Variants in COL11A2 observed in about 807,000 individuals in gnomAD.
The protein encoded by COL11A2 is collagen type XI alpha 2 chain.
COL11A2 carries 116 observed loss-of-function variants against 273.4 expected under a neutral mutation model. That is an observed-to-expected ratio of 0.42 (90% CI 0.36 to 0.49). The LOEUF (loss-of-function observed/expected upper bound fraction) is 0.49, where lower values mean the gene tolerates loss of function less well. Among genes scored for constraint, COL11A2 ranks in the 20% least tolerant of loss-of-function variants. COL11A2 has a pLI of 0.00. For missense variants in COL11A2, 1,866 were observed against 2,309.0 expected (o/e 0.81, Z 3.93); for synonymous variants, 782 against 864.2 (o/e 0.90, Z 1.67).
At position 33,188,974 on chromosome 6, in the gene COL11A2, T is replaced by G. The variant is rs1189655931; in HGVS notation, c.443+4A>C. ...AGGCAGACCAGAGGAGCAAACAAAC[T>G]TACTTGCCATCTGCTAGGCTGAGGC... On this transcript the variant is annotated splice_donor_region_variant and intron_variant, in intron 3 of 65. Coordinates refer to ENST00000341947, the MANE Select transcript of COL11A2 (RefSeq NM_080680.3). 3.1e-6 allele frequency: 5 copies of G among 1,614,176 alleles called. No homozygotes were observed. Among genetic ancestry groups the G allele is most frequent in the Non-Finnish European group, 4.2e-6 (5 of 1,180,018 alleles).
chr6:33,165,609 G>C lies in COL11A2; in HGVS notation c.4690C>G (p.Gln1564Glu). 6.2e-7 allele frequency: 1 copy of C among 1,613,442 alleles called. No homozygotes were observed. The highest frequency in any genetic ancestry group is 8.5e-7 in the Non-Finnish European group (1 of 1,180,006). ...IEQMRRPTGT[Q>E]DSPARTCQDL... is the part of the protein sequence containing the mutation. Reference sequence around the variant, plus strand: ...TGGCAGGTGCGAGCAGGGCTGTCCTGGGTCCCTGTTGGCCGCCTCATCTGC... The same window carrying C: ...TGGCAGGTGCGAGCAGGGCTGTCCTCGGTCCCTGTTGGCCGCCTCATCTGC... Residue 1564 changes from glutamine (Q) to glutamate (E), a missense_variant, in exon 63 of 66, where the codon CAG (glutamine) becomes GAG (glutamate). Coordinates refer to ENST00000341947, the MANE Select transcript of COL11A2 (RefSeq NM_080680.3). This position sits in a 1 kb window ranked among gnomAD's most constrained non-coding sequence, Gnocchi z 7.7.
In COL11A2 at chr6:33,169,347, C is replaced by A; in HGVS notation, c.3798+36G>T. ...ATTCCCAGGTCTGTCATTCACAGGG[C>A]CTGAGAGGACTCAGCCCCCACTGCC... On this transcript the variant is annotated intron_variant, in intron 51 of 65. Coordinates refer to ENST00000341947, the MANE Select transcript of COL11A2 (RefSeq NM_080680.3). The surrounding 1 kb of genome is among the most constrained non-coding windows in gnomAD (Gnocchi z 5.5). The A allele has an allele frequency of 6.5e-7, 1 of 1,540,362 alleles. No individual in the cohort carries two copies. Among genetic ancestry groups the A allele is most frequent in the Non-Finnish European group, 9.0e-7 (1 of 1,116,194 alleles).
rs966373477 is a variant in COL11A2 at position 33,178,765 on chromosome 6, AC to A, written c.1666-34del. The A allele has an allele frequency of 5.6e-6, 9 of 1,612,396 alleles. No individual in the cohort carries two copies. In the African/African-American group the frequency reaches 1.2e-4, roughly 22 times the overall value. On this transcript the variant is annotated intron_variant, in intron 17 of 65. Transcript: ENST00000341947. This position sits in a 1 kb window ranked among gnomAD's most constrained non-coding sequence, Gnocchi z 4.6. ...GAGGAAGGATAGCCAGAGTGAGGACACGACCCTGTCCAAGCCCACCCCTCCC... is the reference window on the plus strand; with the variant it reads ...GAGGAAGGATAGCCAGAGTGAGGACAGACCCTGTCCAAGCCCACCCCTCCC...
rs138186336 is a variant in COL11A2 at position 33,181,163 on chromosome 6, T to G, written c.1127A>C (p.His376Pro). 1.2e-6 allele frequency: 2 copies of G among 1,614,164 alleles called. No individual in the cohort carries two copies. Among genetic ancestry groups the G allele is most frequent in the Admixed American group, 3.3e-5 (2 of 60,028 alleles). The change falls in exon 9 of 66, where the codon CAT becomes CCT. Residue 376 changes from histidine (H) to proline (P), a missense_variant. Transcript: ENST00000341947. ...AETAHSGAAA[H>P]GPRGLKGEKG... The stretch of plus-strand genomic sequence containing the variant: ...CTCTCCCTTCAGCCCTCGGGGTCCA[T>G]GGGCAGCCTGAAGGAGACACACATG...
chr6:33,175,876 G>T (rs41268010), intron 29 of COL11A2, 140 bp downstream of exon 29: 3 of 1,155,092 alleles, frequency 2.6e-6, no homozygotes, highest in South Asian at 2.4e-5. Flanking sequence ...CTATCATCCT[G>T]TAGGGGTCAG....
At position 33,170,451 on chromosome 6, in the gene COL11A2, G is replaced by A. The variant is rs1769874553; in HGVS notation, c.3529-72C>T. On this transcript the variant is annotated intron_variant, in intron 47 of 65. Transcript: ENST00000341947. This position sits in a 1 kb window ranked among gnomAD's most constrained non-coding sequence, Gnocchi z 4.3. ...CTGAGCATGAATGGTGGAGAGAGGAGGAGGAGCAGCCAGGCCAGGGAGTTG... is the reference window on the plus strand; with the variant it reads ...CTGAGCATGAATGGTGGAGAGAGGAAGAGGAGCAGCCAGGCCAGGGAGTTG... The A allele has an allele frequency of 1.3e-6, 2 of 1,589,290 alleles. No individual in the cohort carries two copies. Among genetic ancestry groups the A allele is most frequent in the Non-Finnish European group, 1.7e-6 (2 of 1,159,970 alleles).
Position 33,192,329 on chromosome 6 carries a change from C to CT in COL11A2, c.-90dup. On this transcript the variant is annotated 5_prime_UTR_variant, in exon 1 of 66. Transcript: ENST00000341947. ...AGGCTGACAGAAGACAGGGAGCAGA[C>CT]TATGAGCCTCAGACGCCGGGGTCCC... The CT allele has an allele frequency of 7.7e-7, 1 of 1,294,234 alleles. No homozygotes were observed. The highest frequency in any genetic ancestry group is 1.1e-6 in the Non-Finnish European group (1 of 920,908). The allele number at this position is 1,294,234 out of a possible 1,614,324, so 80.2% of individuals were successfully genotyped here. A position where few individuals can be genotyped will look rare whatever the true frequency, so the allele number is the denominator to read the frequency against.
At chr6:33,172,715 C>G in intron 38 of COL11A2, 78 bp from the exon 39 acceptor site, 1 of 1,237,488 alleles carries the variant, frequency 8.1e-7, no homozygotes, top group Admixed American at 1.8e-5. Context: ...CCTGGCCACC[C>G]TAAAACACTC....
In COL11A2 at chr6:33,173,587, T is replaced by C; in HGVS notation, c.2629-32A>G. ...ACAGAGGTGGGGGGAGTCAGGAGAA[T>C]GGGGGCAGGGGCTGAGTGGGGGAAC... On this transcript the variant is annotated intron_variant, in intron 35 of 65. Coordinates refer to ENST00000341947, the MANE Select transcript of COL11A2 (RefSeq NM_080680.3). This position sits in a 1 kb window ranked among gnomAD's most constrained non-coding sequence, Gnocchi z 6.3. The C allele has an allele frequency of 4.2e-6, 2 of 476,870 alleles. No homozygotes were observed. The highest frequency in any genetic ancestry group is 3.3e-6 in the Non-Finnish European group (1 of 307,002). 29.5% of individuals were successfully genotyped at this position (476,870 alleles called of 1,614,324 possible).
chr6:33,176,319 G>C lies in COL11A2; in HGVS notation c.2170-16C>G, dbSNP rs1319835227. On this transcript the variant is annotated splice_polypyrimidine_tract_variant and intron_variant, in intron 27 of 65. Transcript: ENST00000341947. This position sits in a 1 kb window ranked among gnomAD's most constrained non-coding sequence, Gnocchi z 4.9. ...CGTCCACACCCTAGAATTAGAGAGGGGATAGAAGTAGACTGATCAGGGGAT... is the reference window on the plus strand; with the variant it reads ...CGTCCACACCCTAGAATTAGAGAGGCGATAGAAGTAGACTGATCAGGGGAT... The C allele has an allele frequency of 6.2e-7, 1 of 1,604,048 alleles. No homozygotes were observed. The highest frequency in any genetic ancestry group is 2.2e-5 in the East Asian group (1 of 44,702).
Position 33,174,531 on chromosome 6 carries a change from G to A in COL11A2, c.2426C>T (p.Pro809Leu), listed in dbSNP as rs140058794. 12 of 1,612,496 alleles carry A rather than the reference G, an allele frequency of 7.4e-6. No individual in the cohort carries two copies. The highest frequency in any genetic ancestry group is 1.3e-5 in the African/African-American group (1 of 74,838). The change falls in exon 31 of 66, where the codon CCC (proline) becomes CTC (leucine). Residue 809 changes from proline to leucine, a missense_variant. By Grantham distance (98) the Pro-to-Leu change is moderately conservative. Coordinates refer to ENST00000341947, the MANE Select transcript of COL11A2 (RefSeq NM_080680.3). Reference sequence around the variant, plus strand: ...ACGTATGGGGCATGGCATCACCTTGGGTCCCTGACGTCCAGGATAGCCAGG... The same window carrying A: ...ACGTATGGGGCATGGCATCACCTTGAGTCCCTGACGTCCAGGATAGCCAGG... Reference protein sequence around the residue: ...GLPGYPGRQGPKGSLGFPGFP... With the variant: ...GLPGYPGRQGLKGSLGFPGFP...
In COL11A2 at chr6:33,164,028, G is replaced by A. The variant is rs1372703376; in HGVS notation, c.5071-210C>T. Among the ~76,000 whole-genome samples the A allele has an allele frequency of 6.6e-6, 1 of 152,106 alleles. No individual in the cohort carries two copies. The highest frequency in any genetic ancestry group is 1.5e-5 in the Non-Finnish European group (1 of 68,004). ...GCTGGGCAGCCATGTGCCAGTCTGT[G>A]TACACGTCTGCATTAACCTGTGTGA... On this transcript the variant is annotated intron_variant, in intron 65 of 65. Coordinates refer to ENST00000341947, the MANE Select transcript of COL11A2 (RefSeq NM_080680.3). This position sits in a 1 kb window ranked among gnomAD's most constrained non-coding sequence, Gnocchi z 4.7.
chr6:33,168,052 T>G (rs779944494), intron 54 of COL11A2, among the ~76,000 whole-genome samples, 200 bp from the exon 55 acceptor site: 2 of 152,084 alleles, frequency 1.3e-5, no homozygotes, highest in Non-Finnish European at 2.9e-5. Flanking sequence ...GTCTGTACAT[T>G]TGGTGAAGGG....
intron 31 of COL11A2, 25 bp from the exon 32 acceptor site, chr6:33,174,243 A>T: frequency 3.2e-6 from 5 of 1,554,792 alleles, no homozygotes; most frequent in Non-Finnish European, 4.4e-6. Context: ...GAAGGGGGGA[A>T]ATTGAGAAGT....
At position 33,169,150 on chromosome 6, in the gene COL11A2, C is replaced by T. The variant is rs1414948349; in HGVS notation, c.3799-142G>A. On this transcript the variant is annotated intron_variant, in intron 51 of 65. Transcript: ENST00000341947. The surrounding 1 kb of genome is among the most constrained non-coding windows in gnomAD (Gnocchi z 5.5). ...GAAGAGGTCTCCTGCACCCCTTTCC[C>T]TACCACGTGCACTGCGTGTTGTCTA... 6.1e-6 allele frequency: 5 copies of T among 823,708 alleles called. No homozygotes were observed. Among genetic ancestry groups the T allele is most frequent in the African/African-American group, 3.5e-5 (2 of 57,700 alleles). The allele number at this position is 823,708 out of a possible 1,614,324, so 51.0% of individuals were successfully genotyped here. A position where few individuals can be genotyped will look rare whatever the true frequency, so the allele number is the denominator to read the frequency against.
At chr6:33,168,337 A>G (rs1769489079) in intron 54 of COL11A2, among the ~76,000 whole-genome samples, 182 bp downstream of exon 54, 1 of 149,660 alleles carries the variant, frequency 6.7e-6, no homozygotes, top group African/African-American at 2.5e-5. Context: ...TCCTGCACAC[A>G]CACCCTGCCC....
chr6:33,172,692 C>T, intron 38 of COL11A2, 55 bp from the exon 39 acceptor site: 1 of 1,486,370 alleles, frequency 6.7e-7, no homozygotes, highest in Non-Finnish European at 9.3e-7. Flanking sequence ...CGCTGTCTGC[C>T]AGAAGAGCCC....
chr6:33,165,671 A>G lies in COL11A2; in HGVS notation c.4628T>C (p.Ile1543Thr). Residue 1543 changes from isoleucine to threonine, a missense_variant, in exon 63 of 66, where the codon ATC becomes ACC. Transcript: ENST00000341947. The surrounding 1 kb of genome is among the most constrained non-coding windows in gnomAD (Gnocchi z 7.7). ...APGSPGGLEE[I>T]FGSLDSLREE... ...CCGCAGGGAGTCGAGTGAGCCAAAG[A>G]TCTCCTCCAGCCCCCCAGGACTGCC... 2 of 1,611,336 alleles carry G rather than the reference A, an allele frequency of 1.2e-6. No homozygotes were observed. The highest frequency in any genetic ancestry group is 1.7e-6 in the Non-Finnish European group (2 of 1,179,814).
chr6:33,183,998 A>G (rs550959065), intron 8 of COL11A2, 147 bp downstream of exon 8: 15 of 618,022 alleles, frequency 2.4e-5, no homozygotes, highest in South Asian at 2.3e-4. Flanking sequence ...CTTTTCAAGC[A>G]ACATATACAT....
Sources: allele counts gnomAD v4.1 joint callset (sites outside exome capture counted in the v4.1 genomes callset), GRCh38; gene constraint gnomAD v4.1.1; non-coding constraint Gnocchi (gnomAD v3.1); transcripts MANE v1.5; gene names NCBI Gene and HGNC (gene_info 2026-07-23, HGNC 2026-07-21).